The following CACNA2D1 variants were observed in gnomAD, a reference collection of about 807,000 sequenced individuals.
CACNA2D1 encodes the protein calcium voltage-gated channel auxiliary subunit alpha2delta 1, also known as voltage-dependent calcium channel subunit alpha-2/delta-1.
CACNA2D1 carries 53 observed loss-of-function variants against 171.5 expected under a neutral mutation model. The ratio of observed to expected loss-of-function variants is 0.31; its 90% confidence interval spans 0.25 to 0.39. The LOEUF (loss-of-function observed/expected upper bound fraction) is 0.39. Ranked by LOEUF, CACNA2D1 falls within the 10% of genes least tolerant of loss-of-function variation. The pLI is 1.00. For missense variants in CACNA2D1, 903 were observed against 1,299.8 expected, an observed-to-expected ratio of 0.69 and a Z score of 4.69; for synonymous variants, 442 against 443.1, an observed-to-expected ratio of 1.00 and a Z score of 0.03.
At chr7:82,214,423 G>A (rs1268187465) in intron 3 of CACNA2D1, among the ~76,000 whole-genome samples, 5 of 150,620 alleles carry the variant, frequency 3.3e-5, no homozygotes, top group African/African-American at 1.2e-4. Context: ...CGGGGAAGGA[G>A]CAAGCCCATG....
intron 3 of CACNA2D1, among the ~76,000 whole-genome samples, chr7:82,179,881 G>T (rs1026205059): frequency 4.6e-5 from 7 of 151,216 alleles, no homozygotes; most frequent in Non-Finnish European, 7.4e-5. Flanking sequence ...TCAATAAACT[G>T]AATTCTTAAA....
intron 10 of CACNA2D1, among the ~76,000 whole-genome samples, chr7:82,059,982 A>G (rs1584582124): frequency 2.1e-5 from 1 of 47,874 alleles, no homozygotes; most frequent in Non-Finnish European, 3.7e-5. Flanking sequence ...AACATCACAC[A>G]CCAGGGCCTG....
In CACNA2D1 at chr7:81,967,066, C is replaced by A. The variant is rs1794775472; in HGVS notation, c.2502+103G>T. ...TCACATTTCCATAGAATTTTTTAGC[C>A]TTTGATTAAAAAATTCCTGCATATT... On this transcript the variant is annotated intron_variant, in intron 31 of 38. Transcript: ENST00000356860. 5 of 775,990 alleles carry A rather than the reference C, an allele frequency of 6.4e-6. No individual in the cohort carries two copies. The South Asian group carries it at 6.9e-5, about 11-fold the overall frequency. The allele number at this position is 775,990 out of a possible 1,614,324, so 48.1% of individuals were successfully genotyped here. A position where few individuals can be genotyped will look rare whatever the true frequency, so the allele number is the denominator to read the frequency against.
At chr7:81,979,905 G>C (rs1019808031) in intron 24 of CACNA2D1, among the ~76,000 whole-genome samples, 3 of 151,862 alleles carry the variant, frequency 2.0e-5, no homozygotes, top group Admixed American at 6.6e-5. Context: ...TCACTATTGG[G>C]TATTGAATGT....
chr7:82,219,512 C>A (rs1801525375), intron 3 of CACNA2D1, among the ~76,000 whole-genome samples: 1 of 151,850 alleles, frequency 6.6e-6, no homozygotes, highest in Non-Finnish European at 1.5e-5. Context: ...AAAAGGCTAT[C>A]CATTATCTAT....
intron 1 of CACNA2D1, among the ~76,000 whole-genome samples, chr7:82,363,256 T>C (rs867144473): frequency 1.6e-3 from 47 of 30,310 alleles, no homozygotes; most frequent in African/African-American, 5.6e-3. Context: ...ATTTGTCTCT[T>C]TTTTTTTTTT....
At chr7:82,412,699 G>A (rs184741436) in intron 1 of CACNA2D1, among the ~76,000 whole-genome samples, 15 of 151,730 alleles carry the variant, frequency 9.9e-5, no homozygotes, top group Admixed American at 9.8e-4. Context: ...ACCAAGAATT[G>A]ATGATTTTCT....
chr7:82,400,087 C>A (rs912687298), intron 1 of CACNA2D1, among the ~76,000 whole-genome samples: 2 of 150,824 alleles, frequency 1.3e-5, no homozygotes, highest in African/African-American at 2.4e-5. Context: ...CAGTACCATG[C>A]TGTTTTGGTT....
intron 19 of CACNA2D1, among the ~76,000 whole-genome samples, chr7:81,995,822 C>T (rs896341160): frequency 5.6e-5 from 8 of 143,678 alleles, no homozygotes; most frequent in Non-Finnish European, 7.5e-5. Context: ...AAAAAAAGTG[C>T]AAGGTTACAT....
intron 1 of CACNA2D1, among the ~76,000 whole-genome samples, chr7:82,399,940 T>C (rs932763711): frequency 1.4e-4 from 21 of 152,228 alleles, no homozygotes; most frequent in Non-Finnish European, 2.8e-4. Flanking sequence ...TCAGCCAAAT[T>C]TGTTTAGCAC....
intron 5 of CACNA2D1, among the ~76,000 whole-genome samples, chr7:82,134,168 A>G (rs989194718): frequency 6.6e-6 from 1 of 152,184 alleles, no homozygotes; most frequent in Non-Finnish European, 1.5e-5. Flanking sequence ...ATAGTAGGGT[A>G]AAAGTCATGA....
At chr7:82,048,073 C>T (rs942193219) in intron 10 of CACNA2D1, among the ~76,000 whole-genome samples, 2 of 152,088 alleles carry the variant, frequency 1.3e-5, no homozygotes, top group African/African-American at 4.8e-5. Flanking sequence ...AAGGATACAT[C>T]CGCCTTTTAA....
chr7:82,420,185 A>T (rs1324514706), intron 1 of CACNA2D1, among the ~76,000 whole-genome samples: 7 of 152,220 alleles, frequency 4.6e-5, no homozygotes, highest in African/African-American at 1.7e-4. Flanking sequence ...ATGTTCAGTC[A>T]AGTTTCTCTG....
At chr7:82,193,095 C>T (rs573210465) in intron 3 of CACNA2D1, among the ~76,000 whole-genome samples, 1 of 151,756 alleles carries the variant, frequency 6.6e-6, no homozygotes, top group Non-Finnish European at 1.5e-5. Flanking sequence ...CTCAAGGGGT[C>T]GTACAAGGAT....
chr7:82,117,217 C>T (rs765450892), intron 5 of CACNA2D1, 44 bp from the exon 6 acceptor site: 207 of 1,594,004 alleles, frequency 1.3e-4, no homozygotes, highest in Non-Finnish European at 1.7e-4. Flanking sequence ...TTTTTGCTAA[C>T]ATAAATATTT....
intron 6 of CACNA2D1, among the ~76,000 whole-genome samples, chr7:82,105,998 C>T (rs144992858): frequency 0.024 from 3,585 of 152,136 alleles, 50 homozygotes; most frequent in Middle Eastern, 0.054. Flanking sequence ...ATTCATTAAA[C>T]TAAAATTTAC....
intron 1 of CACNA2D1, among the ~76,000 whole-genome samples, chr7:82,381,777 G>A (rs768292289): frequency 5.3e-5 from 8 of 152,026 alleles, no homozygotes; most frequent in Non-Finnish European, 1.0e-4. Flanking sequence ...ACTTTGGCTG[G>A]TAGAAAACTC....
chr7:82,029,746 T>C (rs1404632241), intron 12 of CACNA2D1: 2 of 151,778 alleles, frequency 1.3e-5, no homozygotes, highest in Non-Finnish European at 2.9e-5. Flanking sequence ...TGTATGTATG[T>C]ATGCAGGCTT....
chr7:82,262,975 T>C (rs541703415), intron 3 of CACNA2D1, among the ~76,000 whole-genome samples: 1 of 152,178 alleles, frequency 6.6e-6, no homozygotes, highest in Non-Finnish European at 1.5e-5. Flanking sequence ...CATTAGATCA[T>C]GCCTTTTTGT....
Sources: allele counts gnomAD v4.1 joint callset (sites outside exome capture counted in the v4.1 genomes callset), GRCh38; gene constraint gnomAD v4.1.1; transcripts MANE v1.5; gene names NCBI Gene and HGNC (gene_info 2026-07-23, HGNC 2026-07-21).